Variants in NUGGC observed in about 807,000 individuals in gnomAD.
NUGGC encodes the protein nuclear GTPase, germinal center associated.
In NUGGC, 58 loss-of-function variants were observed where a neutral mutation model predicts 92.6. The ratio of observed to expected loss-of-function variants is 0.63; its 90% CI spans 0.51 to 0.78. The LOEUF is 0.78. Ranked by LOEUF, NUGGC falls within the 30% of genes least tolerant of loss-of-function variation. The pLI is 0.00. For synonymous variants in NUGGC, 376 were observed against 366.4 expected, an observed-to-expected ratio of 1.03 and a Z score of -0.30; for missense variants, 925 against 964.6, an observed-to-expected ratio of 0.96 and a Z score of 0.54.
rs1351049429 is a variant in NUGGC at position 28,031,320 on chromosome 8, G to T, written c.1831C>A (p.Gln611Lys). Residue 611 changes from glutamine (Q) to lysine (K), a missense_variant, in exon 15 of 19, where the codon CAG becomes AAG. Coordinates refer to ENST00000413272, the MANE Select transcript of NUGGC (RefSeq NM_001010906.2). Reference protein sequence around the residue: ...PHIDAFKQSLQEKMTEIGIRS... With the variant: ...PHIDAFKQSLKEKMTEIGIRS... Reference sequence around the variant, plus strand: ...ATCCCAATTTCTGTCATTTTCTCCTGCAGGGACTGCTTAAAAGCATCTATG... The same window carrying T: ...ATCCCAATTTCTGTCATTTTCTCCTTCAGGGACTGCTTAAAAGCATCTATG... The T allele has an allele frequency of 1.9e-6, 3 of 1,613,728 alleles. No homozygotes were observed. The highest frequency in any genetic ancestry group is 1.1e-5 in the South Asian group (1 of 91,088).
intron 10 of NUGGC, 116 bp from the exon 11 acceptor site, chr8:28,047,728 A>C: frequency 6.6e-6 from 4 of 608,758 alleles, no homozygotes; most frequent in Admixed American, 2.8e-5. Context: ...TCAGTTCTCC[A>C]TGACCCTCTC....
chr8:28,067,479 G>T (rs781548501), intron 6 of NUGGC, 35 bp downstream of exon 6: 3 of 1,365,690 alleles, frequency 2.2e-6, no homozygotes, highest in East Asian at 2.4e-5. Context: ...TTGAGACCCA[G>T]GATGAAATCA....
At chr8:28,040,127 A>G (rs1809654981) in intron 13 of NUGGC, among the ~76,000 whole-genome samples, 1 of 152,132 alleles carries the variant, frequency 6.6e-6, no homozygotes, top group South Asian at 2.1e-4. Flanking sequence ...CTATGGGAAA[A>G]TCGATGTCTG....
At chr8:28,037,254 C>T (rs1035903542) in intron 13 of NUGGC, among the ~76,000 whole-genome samples, 3 of 152,182 alleles carry the variant, frequency 2.0e-5, no homozygotes, top group African/African-American at 7.2e-5. Flanking sequence ...CTCAAAACTT[C>T]ACTATGTTCC....
intron 10 of NUGGC, among the ~76,000 whole-genome samples, chr8:28,048,473 C>T (rs777934959): frequency 1.3e-5 from 2 of 152,094 alleles, no homozygotes; most frequent in African/African-American, 2.4e-5. Flanking sequence ...TAAACATTTA[C>T]AAGCGCAACG....
intron 1 of NUGGC, among the ~76,000 whole-genome samples, chr8:28,077,124 C>T (rs1425941185): frequency 6.6e-6 from 1 of 151,642 alleles, no homozygotes; most frequent in Non-Finnish European, 1.5e-5. Context: ...ATGAGGTCAC[C>T]AAATTTCACA....
intron 7 of NUGGC, 102 bp downstream of exon 7, chr8:28,064,420 G>T: frequency 1.0e-6 from 1 of 971,438 alleles, no homozygotes; most frequent in African/African-American, 1.6e-5. Flanking sequence ...TAATTCCAAT[G>T]AACTCAAAAT....
intron 1 of NUGGC, among the ~76,000 whole-genome samples, chr8:28,081,103 G>A (rs1233403338): frequency 6.6e-6 from 1 of 152,158 alleles, no homozygotes; most frequent in Non-Finnish European, 1.5e-5. Context: ...CCGATCACTT[G>A]AGGTCAGGAG....
chr8:28,053,219 G>T (rs1379095296), intron 10 of NUGGC, among the ~76,000 whole-genome samples: 1 of 152,212 alleles, frequency 6.6e-6, no homozygotes, highest in Non-Finnish European at 1.5e-5. Flanking sequence ...AGTGCTTTGG[G>T]AGGCCCAAGC....
chr8:28,023,606 G>T, intron 18 of NUGGC, 144 bp from the exon 19 acceptor site: 1 of 812,846 alleles, frequency 1.2e-6, no homozygotes, highest in Non-Finnish European at 1.9e-6. Flanking sequence ...CAAAGCAGGT[G>T]TTCCTCCTCT....
intron 10 of NUGGC, among the ~76,000 whole-genome samples, 172 bp downstream of exon 10, chr8:28,055,793 G>A (rs958847606): frequency 6.6e-6 from 1 of 152,224 alleles, no homozygotes; most frequent in Admixed American, 6.5e-5. Context: ...AGATCACACC[G>A]CTGCACTTCA....
intron 13 of NUGGC, among the ~76,000 whole-genome samples, chr8:28,039,589 G>A (rs1470758714): frequency 6.6e-6 from 1 of 152,120 alleles, no homozygotes; most frequent in African/African-American, 2.4e-5. Context: ...ACACCCAGAA[G>A]AGGCCAGGTG....
chr8:28,027,015 G>A lies in NUGGC; in HGVS notation c.2192C>T (p.Thr731Ile). ...CTGGGACGAAGCAAGGGCCAGCATAGTGGTGATGCTGCCCTTCACCTTCTC... is the reference window on the plus strand; with the variant it reads ...CTGGGACGAAGCAAGGGCCAGCATAATGGTGATGCTGCCCTTCACCTTCTC... The part of the protein sequence containing the change: ...IVEKVKGSIT[T>I]MLALASSQGD... The change falls in exon 18 of 19, where the codon ACT becomes ATT. Residue 731 changes from threonine (T) to isoleucine (I), a missense_variant. Thr to Ile is a moderately conservative substitution (Grantham distance 89). Transcript: ENST00000413272. The A allele has an allele frequency of 6.2e-7, 1 of 1,613,770 alleles. No homozygotes were observed. Among genetic ancestry groups the A allele is most frequent in the Non-Finnish European group, 8.5e-7 (1 of 1,179,688 alleles).
At chr8:28,057,175 C>T (rs745971895) in intron 9 of NUGGC, among the ~76,000 whole-genome samples, 6 of 152,098 alleles carry the variant, frequency 3.9e-5, no homozygotes, top group Non-Finnish European at 7.4e-5. Flanking sequence ...AAAGTTGAAT[C>T]GCTTCATATG....
chr8:28,047,479 TG>T, intron 11 of NUGGC, 27 bp downstream of exon 11: 1 of 1,338,968 alleles, frequency 7.5e-7, no homozygotes, highest in South Asian at 1.3e-5. Context: ...AGAATTTTAG[TG>T]ATGGAGATTT....
chr8:28,060,739 T>C, intron 7 of NUGGC, 138 bp from the exon 8 acceptor site: 1 of 668,624 alleles, frequency 1.5e-6, no homozygotes, highest in Non-Finnish European at 2.5e-6. Flanking sequence ...GTGCACTAGC[T>C]GGACTGAGCT....
chr8:28,068,571 G>A, intron 4 of NUGGC, 133 bp from the exon 5 acceptor site: 1 of 634,434 alleles, frequency 1.6e-6, no homozygotes, highest in Non-Finnish European at 2.8e-6. Context: ...TCTCTCCTCT[G>A]TCAAAGGAGA....
At chr8:28,043,097 G>A (rs533900174) in intron 12 of NUGGC, among the ~76,000 whole-genome samples, 1 of 152,298 alleles carries the variant, frequency 6.6e-6, no homozygotes, top group African/African-American at 2.4e-5. Context: ...AATTTGTGGT[G>A]TCACCAGTGA....
intron 18 of NUGGC, among the ~76,000 whole-genome samples, chr8:28,025,010 T>C (rs998963429): frequency 1.3e-5 from 2 of 152,200 alleles, no homozygotes; most frequent in African/African-American, 2.4e-5. Flanking sequence ...TTCTTCCCTT[T>C]CTGTGTTTCG....
Sources: gnomAD v4.1 joint callset for allele counts (sites outside exome capture counted in the v4.1 genomes callset) on GRCh38, gnomAD v4.1.1 for gene constraint, MANE v1.5 for transcripts, NCBI Gene and HGNC (gene_info 2026-07-23, HGNC 2026-07-21) for gene names.